Variants in PRKAG2 observed in about 807,000 individuals in gnomAD.
PRKAG2 encodes 5'-AMP-activated protein kinase subunit gamma-2.
Under a neutral mutation model 69.6 loss-of-function variants are expected in PRKAG2, and 26 were observed. The observed-to-expected ratio is 0.37, with a 90% CI of 0.27 to 0.52. The LOEUF is 0.52. PRKAG2 is among the 20% of genes least tolerant of loss of function. The pLI is 0.90. For synonymous variants in PRKAG2, 293 were observed against 285.0 expected (o/e 1.03, Z -0.28); for missense variants, 557 against 740.0 (o/e 0.75, Z 2.87).
At position 151,771,323 on chromosome 7, in the gene PRKAG2, T is replaced by C. The variant is rs2076010539; in HGVS notation, c.466+9829A>G. Reference sequence around the variant, plus strand: ...ACGTTTCTTGTCTTTCCAAGTCTGCTGATGCTTTCAAAATCCCCACGTCCC... The same window carrying C: ...ACGTTTCTTGTCTTTCCAAGTCTGCCGATGCTTTCAAAATCCCCACGTCCC... On this transcript the variant is annotated intron_variant, in intron 3 of 15. Transcript: ENST00000287878. The surrounding 1 kb of genome is among the most constrained non-coding windows in gnomAD (Gnocchi z 4.0). Among the ~76,000 whole-genome samples, 1 of 152,236 alleles carries C rather than the reference T, an allele frequency of 6.6e-6. No individual in the cohort carries two copies. Among genetic ancestry groups the C allele is most frequent in the South Asian group, 2.1e-4 (1 of 4,832 alleles).
intron 4 of PRKAG2, among the ~76,000 whole-genome samples, chr7:151,639,783 C>T (rs1267974998): frequency 6.6e-6 from 1 of 152,214 alleles, no homozygotes; most frequent in African/African-American, 2.4e-5. Context: ...CCATTACCTG[C>T]ATCCCAGGGA....
intron 3 of PRKAG2, among the ~76,000 whole-genome samples, chr7:151,743,657 A>G (rs2074056114): frequency 6.6e-6 from 1 of 152,234 alleles, no homozygotes; most frequent in Admixed American, 6.5e-5. Context: ...TCACCCGCAG[A>G]AGAAAGAAAA....
chr7:151,853,138 T>G (rs1213263487), intron 1 of PRKAG2, among the ~76,000 whole-genome samples: 2 of 152,176 alleles, frequency 1.3e-5, no homozygotes. Flanking sequence ...CACTTGCTCT[T>G]AAACTTTTTA....
intron 4 of PRKAG2, among the ~76,000 whole-genome samples, chr7:151,652,837 T>G (rs1460375720): frequency 6.6e-6 from 1 of 152,070 alleles, no homozygotes; most frequent in East Asian, 1.9e-4. Flanking sequence ...CAGGCTGGGC[T>G]TGAACTCCTG....
intron 5 of PRKAG2, among the ~76,000 whole-genome samples, chr7:151,598,300 G>A (rs1183011575): frequency 6.6e-6 from 1 of 152,168 alleles, no homozygotes; most frequent in African/African-American, 2.4e-5. Flanking sequence ...AGGCTGGGGA[G>A]GGAATGGGGT....
At chr7:151,558,584 C>T in intron 15 of PRKAG2, 1 of 922,880 alleles carries the variant, frequency 1.1e-6, no homozygotes, top group Non-Finnish European at 1.3e-6. Flanking sequence ...GATTGTTGAT[C>T]AGATGCAGGC....
At chr7:151,730,542 C>T (rs1041661656) in intron 3 of PRKAG2, among the ~76,000 whole-genome samples, 1 of 152,098 alleles carries the variant, frequency 6.6e-6, no homozygotes, top group African/African-American at 2.4e-5. Flanking sequence ...AAGAAAATTT[C>T]TATTGGAAAA....
intron 3 of PRKAG2, among the ~76,000 whole-genome samples, chr7:151,688,374 C>T (rs543607977): frequency 6.6e-6 from 1 of 152,338 alleles, no homozygotes; most frequent in Admixed American, 6.5e-5. Context: ...ATCGTTCATG[C>T]CAATTGTCTG....
chr7:151,632,395 CCG>C lies in PRKAG2; in HGVS notation c.685-259_685-258del, dbSNP rs1435135631. On this transcript the variant is annotated intron_variant, in intron 4 of 15. Transcript: ENST00000287878. The surrounding 1 kb of genome is among the most constrained non-coding windows in gnomAD (Gnocchi z 4.2). ...CGCGAGTGGGACGCGCCGCTCCCCC[CCG>C]CGCCTTGGTACGGCCCGCCCGGGAG... The C allele has an allele frequency of 2.1e-6, 1 of 482,754 alleles. No homozygotes were observed. Among genetic ancestry groups the C allele is most frequent in the Non-Finnish European group, 2.7e-6 (1 of 372,538 alleles). 29.9% of individuals were successfully genotyped at this position (482,754 alleles called of 1,614,324 possible).
At chr7:151,824,814 C>T (rs1468536592) in intron 1 of PRKAG2, among the ~76,000 whole-genome samples, 3 of 152,300 alleles carry the variant, frequency 2.0e-5, no homozygotes, top group Admixed American at 1.3e-4. Flanking sequence ...ACTACCCCAG[C>T]GGAACTCAGC....
At position 151,599,999 on chromosome 7, in the gene PRKAG2, C is replaced by T. The variant is rs1021435085; in HGVS notation, c.755-4545G>A. ...ACTACTGCTTCCTCTGCCTGAAATA[C>T]TTTCTCCGTCTGTTTGTGGCCCAGT... is the stretch of plus-strand genomic sequence containing the variant. On this transcript the variant is annotated intron_variant, in intron 5 of 15. Transcript: ENST00000287878. Among the ~76,000 whole-genome samples, 13 of 152,192 alleles carry T rather than the reference C, an allele frequency of 8.5e-5. 1 individual carries two copies. Among genetic ancestry groups the T allele is most frequent in the African/African-American group, 3.1e-4 (13 of 41,440 alleles).
intron 3 of PRKAG2, among the ~76,000 whole-genome samples, chr7:151,738,664 C>T (rs796940299): frequency 3.9e-5 from 6 of 152,378 alleles, no homozygotes; most frequent in African/African-American, 1.2e-4. Context: ...TCCTTTAATT[C>T]GGCCCATCCC....
intron 5 of PRKAG2, among the ~76,000 whole-genome samples, chr7:151,630,695 GA>G (rs1162020041): frequency 6.6e-6 from 1 of 152,158 alleles, no homozygotes; most frequent in Non-Finnish European, 1.5e-5. Flanking sequence ...ACTAATATAA[GA>G]GACAAAACCC....
At chr7:151,858,306 T>C (rs1460811478) in intron 1 of PRKAG2, among the ~76,000 whole-genome samples, 2 of 151,912 alleles carry the variant, frequency 1.3e-5, no homozygotes, top group African/African-American at 4.8e-5. Flanking sequence ...CGGCCACAGC[T>C]GTCCCCAGCT....
intron 5 of PRKAG2, among the ~76,000 whole-genome samples, chr7:151,596,282 A>G (rs1285742885): frequency 6.6e-6 from 1 of 152,234 alleles, no homozygotes; most frequent in Non-Finnish European, 1.5e-5. Context: ...TACAAGATAT[A>G]AACTCAACAT....
intron 3 of PRKAG2, chr7:151,736,376 T>G: frequency 2.2e-6 from 2 of 927,602 alleles, no homozygotes; most frequent in Admixed American, 7.1e-5. Flanking sequence ...ACTGATACTC[T>G]CCAGGGCTTT....
Position 151,703,891 on chromosome 7 carries a change from CACACACACACACACACACAA to C in PRKAG2, c.467-28274_467-28255del, listed in dbSNP as rs1210312686. ...ACACACACACACACACACACACACA[CACACACACACACACACACAA>C]ATTAGCTAGGCATGGTGGCAGGTGC... is the stretch of plus-strand genomic sequence containing the variant. On this transcript the variant is annotated intron_variant, in intron 3 of 15. Coordinates refer to ENST00000287878, the MANE Select transcript of PRKAG2 (RefSeq NM_016203.4). Among the ~76,000 whole-genome samples, 401 of 139,804 alleles carry C rather than the reference CACACACACACACACACACAA, an allele frequency of 2.9e-3. 1 individual carries two copies. The highest frequency in any genetic ancestry group is 0.01 in the African/African-American group (379 of 36,464). The allele number at this position is 139,804 out of a possible 152,430, so 91.7% of individuals were successfully genotyped here. A position where few individuals can be genotyped will look rare whatever the true frequency, so the allele number is the denominator to read the frequency against.
intron 3 of PRKAG2, among the ~76,000 whole-genome samples, chr7:151,754,035 G>C (rs987422724): frequency 3.9e-5 from 6 of 152,152 alleles, no homozygotes; most frequent in African/African-American, 7.2e-5. Flanking sequence ...AAGAAAAAGA[G>C]CTACAGTGGG....
At chr7:151,832,589 C>T (rs2079060534) in intron 1 of PRKAG2, among the ~76,000 whole-genome samples, 2 of 28,094 alleles carry the variant, frequency 7.1e-5, no homozygotes, top group South Asian at 2.3e-3. Context: ...GGCACTGAGG[C>T]ATCTCTGGGG....
Sources: allele counts gnomAD v4.1 joint callset (sites outside exome capture counted in the v4.1 genomes callset), GRCh38; gene constraint gnomAD v4.1.1; non-coding constraint Gnocchi (gnomAD v3.1); transcripts MANE v1.5; gene names NCBI Gene and HGNC (gene_info 2026-07-23, HGNC 2026-07-21).